Variants in CTNNA2 observed in about 807,000 individuals in gnomAD.
The protein encoded by CTNNA2 is catenin alpha 2.
Under a neutral mutation model 101.0 loss-of-function variants are expected in CTNNA2, and 42 were observed. The ratio of observed to expected loss-of-function variants is 0.42; its 90% CI spans 0.32 to 0.54. The LOEUF (loss-of-function observed/expected upper bound fraction) is 0.54, where lower values mean the gene tolerates loss of function less well. Ranked by LOEUF, CTNNA2 falls within the 20% of genes least tolerant of loss-of-function variation. The probability of loss-of-function intolerance (pLI) is 0.14; values close to 1 mark genes in which losing one functional copy is unlikely to be tolerated. For missense variants in CTNNA2, 871 were observed against 1,223.1 expected, an observed-to-expected ratio of 0.71 and a Z score of 4.29; for synonymous variants, 450 against 456.4, an observed-to-expected ratio of 0.99 and a Z score of 0.18.
At position 80,589,513 on chromosome 2, in the gene CTNNA2, A is replaced by G. The variant is rs776200119; in HGVS notation, c.2189+28A>G. ...GAGGCCCAGAGCCAGGGAGCTGAAG[A>G]TTTTTTCATTAAACCCAGAAGTGTA... On this transcript the variant is annotated intron_variant, in intron 15 of 18. Transcript: ENST00000402739. 3 of 1,603,060 alleles carry G rather than the reference A, an allele frequency of 1.9e-6. No homozygotes were observed. In the East Asian group the frequency reaches 6.7e-5, roughly 36 times the overall value.
At chr2:80,589,021 A>G (rs1239848075) in intron 14 of CTNNA2, among the ~76,000 whole-genome samples, 4 of 152,202 alleles carry the variant, frequency 2.6e-5, no homozygotes, top group Non-Finnish European at 5.9e-5. Context: ...TTGAACAAAC[A>G]TATGCCATCA....
intron 4 of CTNNA2, among the ~76,000 whole-genome samples, chr2:79,504,766 G>T (rs1671375874): frequency 6.6e-6 from 1 of 152,144 alleles, no homozygotes; most frequent in Admixed American, 6.5e-5. Context: ...TCATGTCATT[G>T]TCTTTTTAGT....
At chr2:80,151,019 G>A (rs981452464) in intron 7 of CTNNA2, among the ~76,000 whole-genome samples, 1 of 152,122 alleles carries the variant, frequency 6.6e-6, no homozygotes, top group Non-Finnish European at 1.5e-5. Flanking sequence ...TCCACAGAGG[G>A]CCATCCCTGG....
intron 2 of CTNNA2, among the ~76,000 whole-genome samples, chr2:79,257,627 C>T (rs2104281889): frequency 6.6e-6 from 1 of 151,462 alleles, no homozygotes; most frequent in African/African-American, 2.4e-5. Flanking sequence ...TCCAAGAATA[C>T]ATCACAGAGT....
chr2:79,329,544 C>T (rs2104417038), intron 3 of CTNNA2, among the ~76,000 whole-genome samples: 1 of 152,208 alleles, frequency 6.6e-6, no homozygotes, highest in South Asian at 2.1e-4. Context: ...TTCATCTGCA[C>T]ACCTACACTG....
rs563090325 is a variant in CTNNA2, at chr2:80,558,833, G to C, written c.1741+2940G>C. ...GTTGTTGCCACACCTACTAGGTTCTGCCCATTGATTTTTTTGTTTGATATT... is the reference window on the plus strand; with the variant it reads ...GTTGTTGCCACACCTACTAGGTTCTCCCCATTGATTTTTTTGTTTGATATT... On this transcript the variant is annotated intron_variant, in intron 12 of 18. Coordinates refer to ENST00000402739, the MANE Select transcript of CTNNA2 (RefSeq NM_001282597.3). Among the ~76,000 whole-genome samples the C allele has an allele frequency of 1.4e-3, 206 of 151,772 alleles. 2 individuals are homozygous for C. Among genetic ancestry groups the C allele is most frequent in the African/African-American group, 4.6e-3 (192 of 41,332 alleles).
At chr2:80,472,561 C>A (rs572261709) in intron 9 of CTNNA2, among the ~76,000 whole-genome samples, 1 of 152,164 alleles carries the variant, frequency 6.6e-6, no homozygotes, top group Non-Finnish European at 1.5e-5. Flanking sequence ...TAGCTTTTGA[C>A]TGAATGAAAT....
Position 80,408,403 on chromosome 2 carries a change from A to G in CTNNA2, c.1138-11046A>G, listed in dbSNP as rs929604112. Reference sequence around the variant, plus strand: ...CATGCTCTTTAACCACACATTTTTTATAGGCTTCTGCTCTTAGCCTGCCAT... The same window carrying G: ...CATGCTCTTTAACCACACATTTTTTGTAGGCTTCTGCTCTTAGCCTGCCAT... On this transcript the variant is annotated intron_variant, in intron 8 of 18. Transcript: ENST00000402739. 7.2e-5 allele frequency among the ~76,000 whole-genome samples: 11 copies of G among 152,178 alleles called. No individual in the cohort carries two copies. In the South Asian group the frequency reaches 8.3e-4, roughly 11 times the overall value.
intron 3 of CTNNA2, among the ~76,000 whole-genome samples, chr2:79,341,864 T>C (rs189832887): frequency 3.3e-5 from 5 of 152,320 alleles, no homozygotes; most frequent in Admixed American, 3.3e-4. Flanking sequence ...GATATTGCTG[T>C]GAATAATAAG....
chr2:79,817,976 ATT>A (rs1381737854), intron 3 of CTNNA2, among the ~76,000 whole-genome samples: 9 of 152,158 alleles, frequency 5.9e-5, no homozygotes, highest in Non-Finnish European at 1.3e-4. Flanking sequence ...CTAAAATCAC[ATT>A]TACCATTTCG....
In CTNNA2 at chr2:80,235,381, G is replaced by T. The variant is rs117128631; in HGVS notation, c.1057-157830G>T. Among the ~76,000 whole-genome samples, 37 of 152,262 alleles carry T rather than the reference G, an allele frequency of 2.4e-4. No homozygotes were observed. The East Asian group carries it at 7.0e-3, about 29-fold the overall frequency. On this transcript the variant is annotated intron_variant, in intron 7 of 18. Transcript: ENST00000402739. ...TTTTCCAAGTATTCGGGCTGTTTCT[G>T]CTCTTGAAGGAACTATCAATCACTG...
intron 1 of CTNNA2, among the ~76,000 whole-genome samples, chr2:79,604,525 C>A (rs1042836892): frequency 3.9e-5 from 6 of 152,094 alleles, no homozygotes; most frequent in Admixed American, 1.3e-4. Context: ...ACTTTCAGGA[C>A]AGAATACTGA....
chr2:80,214,069 A>C (rs542204929), intron 7 of CTNNA2, among the ~76,000 whole-genome samples: 2 of 152,106 alleles, frequency 1.3e-5, no homozygotes, highest in African/African-American at 4.8e-5. Flanking sequence ...TTTGCTTGCT[A>C]GATCTTCCTC....
intron 3 of CTNNA2, among the ~76,000 whole-genome samples, chr2:79,848,168 G>A (rs1490481087): frequency 1.3e-5 from 2 of 152,180 alleles, no homozygotes; most frequent in Non-Finnish European, 2.9e-5. Flanking sequence ...TGCTTTACAA[G>A]ATAACTTACA....
In CTNNA2 at chr2:79,668,838, A is replaced by C. The variant is rs567118303; in HGVS notation, c.102+17180A>C. 3.3e-5 allele frequency among the ~76,000 whole-genome samples: 5 copies of C among 152,328 alleles called. No homozygotes were observed. In the South Asian group the frequency reaches 1.0e-3, roughly 32 times the overall value. On this transcript the variant is annotated intron_variant, in intron 2 of 18. Coordinates refer to ENST00000402739, the MANE Select transcript of CTNNA2 (RefSeq NM_001282597.3). ...GGTTGCTATGCTGTTCTCAATTTGT[A>C]AATACTCTATATTGTGTGATCATTT...
At position 80,578,021 on chromosome 2, in the gene CTNNA2, T is replaced by C. The variant is rs143338806; in HGVS notation, c.1894-3685T>C. Among the ~76,000 whole-genome samples, 90 of 152,308 alleles carry C rather than the reference T, an allele frequency of 5.9e-4. 1 individual carries two copies. Among genetic ancestry groups the C allele is most frequent in the African/African-American group, 2.1e-3 (88 of 41,556 alleles). On this transcript the variant is annotated intron_variant, in intron 13 of 18. Transcript: ENST00000402739. ...CTTCAATACTTTCTCACTTTGTTTC[T>C]CTATAGAGGCTGTTGCAGAGGAATA...
At chr2:80,130,231 T>C (rs1702342510) in intron 7 of CTNNA2, among the ~76,000 whole-genome samples, 1 of 152,166 alleles carries the variant, frequency 6.6e-6, no homozygotes, top group African/African-American at 2.4e-5. Flanking sequence ...AAAGCAGCCA[T>C]TTAAAACCAT....
intron 7 of CTNNA2, among the ~76,000 whole-genome samples, chr2:80,231,118 T>G (rs1709185460): frequency 6.6e-6 from 1 of 152,046 alleles, no homozygotes; most frequent in African/African-American, 2.4e-5. Flanking sequence ...ATGACAGGCA[T>G]GCACTACCAT....
chr2:79,778,798 G>A (rs900563319), intron 3 of CTNNA2, among the ~76,000 whole-genome samples: 1 of 152,106 alleles, frequency 6.6e-6, no homozygotes, highest in Non-Finnish European at 1.5e-5. Context: ...AGGCAAAGTT[G>A]TTTTTATATA....
Sources: gnomAD v4.1 joint callset for allele counts (sites outside exome capture counted in the v4.1 genomes callset) on GRCh38, gnomAD v4.1.1 for gene constraint, MANE v1.5 for transcripts, NCBI Gene and HGNC (gene_info 2026-07-23, HGNC 2026-07-21) for gene names.